The following TMLHE variants were observed in gnomAD, a reference collection of about 807,000 sequenced individuals.
TMLHE encodes the protein trimethyllysine hydroxylase, epsilon, also known as trimethyllysine dioxygenase, mitochondrial.
In TMLHE, 18 loss-of-function variants were observed where a neutral mutation model predicts 25.7. That is an observed-to-expected ratio of 0.70 (90% confidence interval 0.48 to 1.04). TMLHE has a LOEUF of 1.04. TMLHE is among the 50% of genes least tolerant of loss of function. TMLHE has a pLI of 0.00. For missense variants in TMLHE, 236 were observed against 259.0 expected (o/e 0.91, Z 0.61); for synonymous variants, 105 against 97.0 (o/e 1.08, Z -0.49).
chrX:155,507,216 C>T (rs891795416), intron 5 of TMLHE, 82 bp from the exon 6 acceptor site: 13 of 627,009 alleles, frequency 2.1e-5, no homozygotes, highest in Non-Finnish European at 3.2e-5. Flanking sequence ...AAAATGATTA[C>T]TGAAACTACT....
chrX:155,527,808 C>T (rs894048344), intron 2 of TMLHE, among the ~76,000 whole-genome samples: 1 of 111,748 alleles, frequency 8.9e-6, no homozygotes, highest in Non-Finnish European at 1.9e-5. Context: ...ACAAAAGGCA[C>T]AGAGATAAAT....
chrX:155,537,638 T>G (rs2124396747), intron 2 of TMLHE, among the ~76,000 whole-genome samples: 1 of 110,317 alleles, frequency 9.1e-6, no homozygotes, highest in South Asian at 3.9e-4. Context: ...CTCACTTACC[T>G]CCTTAATGTC....
intron 2 of TMLHE, among the ~76,000 whole-genome samples, chrX:155,527,965 C>T (rs2067229061): frequency 9.0e-6 from 1 of 111,005 alleles, no homozygotes; most frequent in East Asian, 2.8e-4. Context: ...AGATAAAAAC[C>T]CAACAGAAAA....
intron 2 of TMLHE, among the ~76,000 whole-genome samples, chrX:155,529,409 T>C (rs1008606429): frequency 1.8e-5 from 2 of 112,300 alleles, no homozygotes; most frequent in East Asian, 5.5e-4. Context: ...TTTTAATTTC[T>C]TTAGTAACCT....
chrX:155,506,262 A>C (rs987957498), intron 6 of TMLHE, among the ~76,000 whole-genome samples: 1 of 111,305 alleles, frequency 9.0e-6, no homozygotes. Flanking sequence ...CTGCAAGAAG[A>C]GGCATTGTAG....
At chrX:155,541,361 C>A (rs1237090506) in intron 2 of TMLHE, among the ~76,000 whole-genome samples, 1 of 111,408 alleles carries the variant, frequency 9.0e-6, no homozygotes, top group East Asian at 2.8e-4. Context: ...CATGTCCCTG[C>A]AAAGGACATG....
rs147130652 is a variant in TMLHE, at chrX:155,531,226, G to C, written c.182-6594C>G. Among the ~76,000 whole-genome samples, 525 of 112,035 alleles carry C rather than the reference G, an allele frequency of 4.7e-3. 2 individuals carry two copies. The highest frequency in any genetic ancestry group is 0.016 in the African/African-American group (481 of 30,851). ...CAGGACAAACTTCTATGGTTAGTCTGTTTGCATCATTATAGAGAAATACCT... is the reference window on the plus strand; with the variant it reads ...CAGGACAAACTTCTATGGTTAGTCTCTTTGCATCATTATAGAGAAATACCT... On this transcript the variant is annotated intron_variant, in intron 2 of 7. Transcript: ENST00000334398.
chrX:155,523,050 T>C (rs2067198012), intron 3 of TMLHE, among the ~76,000 whole-genome samples: 1 of 111,770 alleles, frequency 8.9e-6, no homozygotes, highest in African/African-American at 3.3e-5. Flanking sequence ...GTCATTCTGA[T>C]AGGTATGTAG....
chrX:155,524,483 G>A lies in TMLHE; in HGVS notation c.331C>T (p.Leu111=), dbSNP rs376662575. 172 of 1,200,823 alleles carry A rather than the reference G, an allele frequency of 1.4e-4. No homozygotes were observed. The highest frequency in any genetic ancestry group is 1.2e-3 in the Middle Eastern group (5 of 4,335). ...GTGAAAAAGAGTGTGGTCTCATCCAGACGAATGGTCTTTGGCTTGATACAT... is the reference window on the plus strand; with the variant it reads ...GTGAAAAAGAGTGTGGTCTCATCCAAACGAATGGTCTTTGGCTTGATACAT... The part of the protein sequence containing the change: ...DLCIKPKTIR[L]DETTLFFTWP... Residue 111 remains leucine (L), a synonymous_variant, in exon 3 of 8, where the codon CTG becomes TTG. Coordinates refer to ENST00000334398, the MANE Select transcript of TMLHE (RefSeq NM_018196.4).
intron 1 of TMLHE, among the ~76,000 whole-genome samples, chrX:155,584,931 A>T (rs1188348140): frequency 1.8e-5 from 2 of 111,811 alleles, no homozygotes; most frequent in African/African-American, 6.5e-5. Context: ...CCATGAAAAC[A>T]AACAAAAGTA....
At chrX:155,568,349 G>A (rs1305709636) in intron 1 of TMLHE, among the ~76,000 whole-genome samples, 1 of 61,776 alleles carries the variant, frequency 1.6e-5, no homozygotes, top group African/African-American at 3.6e-5. Context: ...CGAACTGGGT[G>A]GAGCCCACCA....
chrX:155,532,668 C>CGTGTGTGTGTGTGTGTGT (rs33944459), intron 2 of TMLHE, among the ~76,000 whole-genome samples: 1 of 86,077 alleles, frequency 1.2e-5, no homozygotes, highest in Non-Finnish European at 2.3e-5. Flanking sequence ...ATGCAAAATT[C>CGTGTGTGTGTGTGTGTGT]GTGTGTGTGT....
At chrX:155,554,736 TGA>T (rs2067437678) in intron 1 of TMLHE, among the ~76,000 whole-genome samples, 1 of 109,710 alleles carries the variant, frequency 9.1e-6, no homozygotes. Context: ...CCCTGGAGTG[TGA>T]GAGGGATTAT....
chrX:155,568,583 C>A (rs781893484), intron 1 of TMLHE, among the ~76,000 whole-genome samples: 1 of 62,373 alleles, frequency 1.6e-5, no homozygotes, highest in Admixed American at 1.9e-4. Context: ...GGAGGCACCC[C>A]CCAGTAGGGG....
chrX:155,511,652 G>A (rs781818444), intron 5 of TMLHE, 21 bp downstream of exon 5: 25 of 1,181,906 alleles, frequency 2.1e-5, no homozygotes, highest in Non-Finnish European at 2.9e-5. Flanking sequence ...ACTTTACACT[G>A]TAAAAGTCTA....
At chrX:155,533,378 C>T (rs1280493767) in intron 2 of TMLHE, among the ~76,000 whole-genome samples, 2 of 61,903 alleles carry the variant, frequency 3.2e-5, no homozygotes, top group Non-Finnish European at 7.3e-5. Context: ...CACGTGCACA[C>T]GCACACACAC....
At chrX:155,541,481 T>C (rs782450313) in intron 2 of TMLHE, among the ~76,000 whole-genome samples, 1 of 111,880 alleles carries the variant, frequency 8.9e-6, no homozygotes, top group Admixed American at 9.5e-5. Context: ...GTCTTTGTTA[T>C]TGTGAACAGT....
chrX:155,576,109 T>C (rs2067587604), intron 1 of TMLHE, among the ~76,000 whole-genome samples: 1 of 111,151 alleles, frequency 9.0e-6, no homozygotes, highest in African/African-American at 3.3e-5. Flanking sequence ...CCATAGTCTC[T>C]GCCAAAACCT....
chrX:155,584,452 T>C (rs1271460586), intron 1 of TMLHE, among the ~76,000 whole-genome samples: 3 of 111,185 alleles, frequency 2.7e-5, no homozygotes, highest in African/African-American at 3.3e-5. Context: ...TTTAATGAAA[T>C]AATAGGTGAA....
Sources: gnomAD v4.1 joint callset for allele counts (sites outside exome capture counted in the v4.1 genomes callset) on GRCh38, gnomAD v4.1.1 for gene constraint, MANE v1.5 for transcripts, NCBI Gene and HGNC (gene_info 2026-07-23, HGNC 2026-07-21) for gene names.